Variants in PDE4DIP observed in about 807,000 individuals in gnomAD.
PDE4DIP encodes phosphodiesterase 4D interacting protein.
PDE4DIP carries 59 observed loss-of-function variants against 221.4 expected under a neutral mutation model. The observed-to-expected ratio is 0.27, with a 90% confidence interval of 0.22 to 0.33. The LOEUF (loss-of-function observed/expected upper bound fraction) is 0.33. Ranked by LOEUF, PDE4DIP falls within the 10% of genes least tolerant of loss-of-function variation. The pLI, the probability that PDE4DIP is intolerant of heterozygous loss-of-function variation, is 1.00. For missense variants in PDE4DIP, 1,036 were observed against 2,154.2 expected, an observed-to-expected ratio of 0.48 and a Z score of 10.28; for synonymous variants, 404 against 815.9, an observed-to-expected ratio of 0.50 and a Z score of 8.60.
intron 35 of PDE4DIP, among the ~76,000 whole-genome samples, chr1:149,019,944 GT>G (rs2072119678): frequency 1.3e-5 from 2 of 152,116 alleles, no homozygotes; most frequent in Admixed American, 1.3e-4. Context: ...GATTAAATAA[GT>G]GGCATGAAGG....
intron 35 of PDE4DIP, chr1:149,019,519 CT>C (rs1324550166): frequency 6.6e-6 from 1 of 152,090 alleles, no homozygotes; most frequent in Non-Finnish European, 1.5e-5. Flanking sequence ...AAGGTCACTG[CT>C]GGGGGACGAT....
intron 3 of PDE4DIP, among the ~76,000 whole-genome samples, chr1:148,876,681 G>T (rs58552413): frequency 0.011 from 1,109 of 100,716 alleles, 242 homozygotes; most frequent in African/African-American, 0.042. Context: ...CCATGTTCTA[G>T]CTGTTAGTTG....
At chr1:148,999,511 G>A (rs1318589) in intron 23 of PDE4DIP, among the ~76,000 whole-genome samples, 15 of 152,256 alleles carry the variant, frequency 9.9e-5, no homozygotes, top group African/African-American at 9.6e-5. Context: ...AATTTCTAAC[G>A]TCTAAACCTT....
chr1:148,953,317 C>G, intron 5 of PDE4DIP: 1 of 1,611,900 alleles, frequency 6.2e-7, no homozygotes. Flanking sequence ...CTGATTCTGA[C>G]TATGAAGCCA....
intron 14 of PDE4DIP, among the ~76,000 whole-genome samples, chr1:148,971,442 T>A (rs1428019453): frequency 6.7e-6 from 1 of 150,360 alleles, no homozygotes; most frequent in African/African-American, 2.4e-5. Flanking sequence ...TAAAAAAAAT[T>A]TTTTCCCAGC....
At chr1:149,010,986 A>T (rs1417552577) in intron 31 of PDE4DIP, among the ~76,000 whole-genome samples, 2 of 145,508 alleles carry the variant, frequency 1.4e-5, no homozygotes, top group African/African-American at 5.2e-5. Flanking sequence ...CTGCATGGAG[A>T]TCCTCTGCAA....
intron 1 of PDE4DIP, among the ~76,000 whole-genome samples, chr1:148,926,946 C>T (rs1455743191): frequency 1.4e-5 from 2 of 145,938 alleles, no homozygotes; most frequent in Admixed American, 6.9e-5. Flanking sequence ...TTGAAATATG[C>T]GTGTTTCCAT....
At chr1:149,004,339 G>T (rs2066451806) in intron 26 of PDE4DIP, among the ~76,000 whole-genome samples, 1 of 150,862 alleles carries the variant, frequency 6.6e-6, no homozygotes, top group Non-Finnish European at 1.5e-5. Flanking sequence ...CCATGGATTA[G>T]TTCTCATTCT....
At chr1:148,930,629 G>A (rs1182717644) in intron 2 of PDE4DIP, 7 of 150,744 alleles carry the variant, frequency 4.6e-5, no homozygotes, top group African/African-American at 1.5e-4. Context: ...AAATACCTTG[G>A]AATACATCTA....
chr1:148,876,936 C>T (rs1572459186), intron 3 of PDE4DIP, among the ~76,000 whole-genome samples: 3 of 139,696 alleles, frequency 2.1e-5, no homozygotes, highest in East Asian at 2.0e-4. Flanking sequence ...ATCGCTTGAA[C>T]CCAGGAGGCA....
intron 3 of PDE4DIP, among the ~76,000 whole-genome samples, chr1:148,876,999 T>G (rs1691684603): frequency 7.0e-6 from 1 of 143,860 alleles, no homozygotes; most frequent in African/African-American, 2.9e-5. Flanking sequence ...GTGACAGAGC[T>G]AGACTCCGTC....
chr1:148,912,090 C>A (rs1455117075), intron 1 of PDE4DIP, among the ~76,000 whole-genome samples: 4 of 145,170 alleles, frequency 2.8e-5, no homozygotes, highest in Non-Finnish European at 6.1e-5. Flanking sequence ...GACCACACTA[C>A]CTTTTACTTT....
Position 148,902,832 on chromosome 1 carries a change from G to C in PDE4DIP, c.141+12938G>C, listed in dbSNP as rs587720685. Among the ~76,000 whole-genome samples the C allele has an allele frequency of 6.3e-5, 7 of 110,784 alleles. No homozygotes were observed. The East Asian group carries it at 3.7e-3, about 58-fold the overall frequency. The allele number at this position is 110,784 out of a possible 152,430, so 72.7% of individuals were successfully genotyped here. On this transcript the variant is annotated intron_variant, in intron 1 of 43. Coordinates refer to ENST00000369354, the Ensembl canonical transcript of PDE4DIP. ...TGGTGGGCACTTGGGTTGGTTCCAC[G>C]TTTTTGCAGTTGTGAACTGTGCTGC...
At chr1:148,990,414 G>A (rs2062794393) in intron 21 of PDE4DIP, 1 of 895,074 alleles carries the variant, frequency 1.1e-6, no homozygotes, top group Admixed American at 6.2e-5. Context: ...TCTGTATTGG[G>A]TAGTGAATGC....
Position 149,024,790 on chromosome 1 carries a change from G to A in PDE4DIP, c.6325+106G>A, listed in dbSNP as rs375097981. On this transcript the variant is annotated intron_variant, in intron 38 of 43. Transcript: ENST00000369354. ...CCTGGTCCATGCTCCTTAGGGTCAG[G>A]TTGAAATCAGAGATGCTCTAGTCTA... The A allele has an allele frequency of 5.8e-3, 3,417 of 592,752 alleles. 38 individuals carry two copies. Among genetic ancestry groups the A allele is most frequent in the Middle Eastern group, 0.013 (29 of 2,172 alleles). The allele number at this position is 592,752 out of a possible 1,614,324, so 36.7% of individuals were successfully genotyped here. A position where few individuals can be genotyped will look rare whatever the true frequency, so the allele number is the denominator to read the frequency against.
chr1:148,917,172 T>TTCTCAC (rs2044279676), intron 1 of PDE4DIP, among the ~76,000 whole-genome samples: 2 of 151,760 alleles, frequency 1.3e-5, no homozygotes, highest in African/African-American at 4.9e-5. Flanking sequence ...CCAGCTCAGT[T>TTCTCAC]GGGCCACATC....
chr1:149,030,796 A>C (rs1553636448), intron 43 of PDE4DIP: 1 of 983,908 alleles, frequency 1.0e-6, no homozygotes. Context: ...GTTGGGTCTC[A>C]TTGGTCTAAA....
At chr1:148,884,781 G>T (rs1695252426), upstream of PDE4DIP, among the ~76,000 whole-genome samples, 1 of 152,166 alleles carries the variant, frequency 6.6e-6, no homozygotes, top group South Asian at 2.1e-4. Flanking sequence ...AGTTCATATT[G>T]TCCTTTATAA....
chr1:149,030,697 C>T (rs2076490305), intron 43 of PDE4DIP: 31 of 981,856 alleles, frequency 3.2e-5, no homozygotes, highest in Non-Finnish European at 3.7e-5. Context: ...CAATTTGCAA[C>T]CTAATAAACT....
Sources: allele counts gnomAD v4.1 joint callset (sites outside exome capture counted in the v4.1 genomes callset), GRCh38; gene constraint gnomAD v4.1.1; transcripts MANE v1.5; gene names NCBI Gene and HGNC (gene_info 2026-07-23, HGNC 2026-07-21).